The following COL8A1 variants were observed in gnomAD, a reference collection of about 807,000 sequenced individuals.
COL8A1 encodes collagen type VIII alpha 1 chain.
In COL8A1, 21 loss-of-function variants were observed where a neutral mutation model predicts 42.7. The ratio of observed to expected loss-of-function variants is 0.49; its 90% confidence interval spans 0.35 to 0.71. COL8A1 has a LOEUF of 0.71. Among genes scored for constraint, COL8A1 ranks in the 30% least tolerant of loss-of-function variants. COL8A1 has a pLI of 0.01. For missense variants in COL8A1, 788 were observed against 962.4 expected (o/e 0.82, Z 2.40); for synonymous variants, 367 against 369.1 (o/e 0.99, Z 0.06).
chr3:99,655,539 G>A (rs1287644868), intron 1 of COL8A1, among the ~76,000 whole-genome samples: 1 of 152,092 alleles, frequency 6.6e-6, no homozygotes, highest in Non-Finnish European at 1.5e-5. Context: ...ACGCTCATTG[G>A]GTAAACAGTA....
chr3:99,647,615 T>C (rs62281827), intron 1 of COL8A1, among the ~76,000 whole-genome samples: 9,543 of 152,142 alleles, frequency 0.063, 365 homozygotes, highest in East Asian at 0.22. Flanking sequence ...CGGCCAACAA[T>C]GAGCAATAAG....
intron 1 of COL8A1, among the ~76,000 whole-genome samples, chr3:99,699,672 A>C (rs1307510134): frequency 2.6e-5 from 4 of 152,212 alleles, no homozygotes; most frequent in Non-Finnish European, 5.9e-5. Flanking sequence ...CTAACCAAAA[A>C]TATAGTTAAT....
At chr3:99,790,331 T>A (rs1941976017) in intron 2 of COL8A1, among the ~76,000 whole-genome samples, 1 of 152,190 alleles carries the variant, frequency 6.6e-6, no homozygotes, top group Admixed American at 6.5e-5. Context: ...CAAGAATGGC[T>A]GAAATGGCCC....
In COL8A1 at chr3:99,795,684, G is replaced by C; in HGVS notation, c.1783G>C (p.Val595Leu). 3 of 1,614,070 alleles carry C rather than the reference G, an allele frequency of 1.9e-6. No individual in the cohort carries two copies. Among genetic ancestry groups the C allele is most frequent in the Non-Finnish European group, 2.5e-6 (3 of 1,180,004 alleles). ...AGATATGGGGCTGGGAATTGATGGC[G>C]TGAAACCCCCCCATGCCTACGGGGC... is the stretch of plus-strand genomic sequence containing the variant. ...LPDMGLGIDGVKPPHAYGAKK... is the reference protein window; with the variant it reads ...LPDMGLGIDGLKPPHAYGAKK... Residue 595 changes from valine (V) to leucine (L), a missense_variant, in exon 4 of 4, where the codon GTG (valine) becomes CTG (leucine). By Grantham distance (32) the Val-to-Leu change is conservative. This residue lies in a region of COL8A1 where 212 missense variants were observed against 210.9 expected (regional missense o/e 1.00). Transcript: ENST00000652472.
chr3:99,645,211 A>G (rs1368341280), intron 1 of COL8A1, among the ~76,000 whole-genome samples: 1 of 152,168 alleles, frequency 6.6e-6, no homozygotes, highest in Non-Finnish European at 1.5e-5. Flanking sequence ...TTAATGATCT[A>G]CTTAGCGATT....
chr3:99,682,505 G>A (rs915118104), intron 1 of COL8A1, among the ~76,000 whole-genome samples: 7 of 151,906 alleles, frequency 4.6e-5, no homozygotes, highest in African/African-American at 1.7e-4. Context: ...ACAAGGACAT[G>A]AAACATGTTA....
chr3:99,789,118 G>T (rs1282533099), intron 2 of COL8A1, among the ~76,000 whole-genome samples: 3 of 152,100 alleles, frequency 2.0e-5, no homozygotes, highest in Non-Finnish European at 4.4e-5. Flanking sequence ...TTGTGATAGG[G>T]ATTCATTTTA....
At chr3:99,642,487 T>C (rs963625105) in intron 1 of COL8A1, among the ~76,000 whole-genome samples, 5 of 152,306 alleles carry the variant, frequency 3.3e-5, no homozygotes, top group Non-Finnish European at 2.9e-5. Flanking sequence ...AACTTCTCAA[T>C]GTAGGATAAG....
intron 2 of COL8A1, among the ~76,000 whole-genome samples, chr3:99,752,880 G>T (rs1941181325): frequency 6.6e-6 from 1 of 152,132 alleles, no homozygotes; most frequent in African/African-American, 2.4e-5. Flanking sequence ...TCAGTTTAGA[G>T]GGGGAGAAGG....
intron 2 of COL8A1, among the ~76,000 whole-genome samples, chr3:99,757,295 G>A (rs996620088): frequency 2.0e-5 from 3 of 152,022 alleles, no homozygotes; most frequent in Admixed American, 6.5e-5. Context: ...TTTCTTCCTC[G>A]GGGTGCAACT....
chr3:99,792,699 G>A (rs553975663), intron 3 of COL8A1, among the ~76,000 whole-genome samples: 1 of 152,276 alleles, frequency 6.6e-6, no homozygotes, highest in South Asian at 2.1e-4. Flanking sequence ...AGAGCTTCTT[G>A]TTCCTAAGTC....
At chr3:99,663,233 A>C (rs988502101) in intron 1 of COL8A1, among the ~76,000 whole-genome samples, 2 of 152,122 alleles carry the variant, frequency 1.3e-5, no homozygotes, top group African/African-American at 4.8e-5. Context: ...TGGTGCAATC[A>C]GAGCTCACTG....
At chr3:99,773,280 T>G (rs1450244351) in intron 2 of COL8A1, among the ~76,000 whole-genome samples, 1 of 152,164 alleles carries the variant, frequency 6.6e-6, no homozygotes, top group Non-Finnish European at 1.5e-5. Flanking sequence ...AGACTTCAAT[T>G]AGGCCATGGC....
chr3:99,702,847 T>G (rs1939579932), intron 1 of COL8A1, among the ~76,000 whole-genome samples: 1 of 151,960 alleles, frequency 6.6e-6, no homozygotes, highest in African/African-American at 2.4e-5. Flanking sequence ...GAAGAAAACG[T>G]GTTGTTAGGT....
chr3:99,766,816 G>A (rs1941472256), intron 2 of COL8A1, among the ~76,000 whole-genome samples: 1 of 152,164 alleles, frequency 6.6e-6, no homozygotes, highest in Non-Finnish European at 1.5e-5. Context: ...AAGTGTGGTG[G>A]CAGGCACCTG....
chr3:99,667,572 AG>A (rs1206615867), intron 1 of COL8A1, among the ~76,000 whole-genome samples: 2 of 152,110 alleles, frequency 1.3e-5, no homozygotes, highest in Non-Finnish European at 2.9e-5. Flanking sequence ...ACGTATTGTC[AG>A]TACTTTAGAG....
chr3:99,676,941 G>A (rs1024979742), intron 1 of COL8A1, among the ~76,000 whole-genome samples: 5 of 151,680 alleles, frequency 3.3e-5, no homozygotes, highest in Non-Finnish European at 5.9e-5. Flanking sequence ...TTTTATGCTG[G>A]GTGCAGTGGC....
chr3:99,754,678 C>A (rs1163297558), intron 2 of COL8A1, among the ~76,000 whole-genome samples: 1 of 152,152 alleles, frequency 6.6e-6, no homozygotes, highest in Admixed American at 6.5e-5. Context: ...CCAAAGAACT[C>A]CTACAGAAAG....
Position 99,740,125 on chromosome 3 carries a change from C to A in COL8A1, c.-128-4772C>A, listed in dbSNP as rs1940855668. On this transcript the variant is annotated intron_variant, in intron 1 of 3. Coordinates refer to ENST00000652472, the MANE Select transcript of COL8A1 (RefSeq NM_020351.4). ...CAAGTTCCTGATCTCCATCTGAGAC[C>A]ACCTCAGCCTGGACTTCATTATCCA... 2.0e-5 allele frequency among the ~76,000 whole-genome samples: 3 copies of A among 152,118 alleles called. No individual in the cohort carries two copies. In the South Asian group the frequency reaches 6.2e-4, roughly 32 times the overall value.
Sources: gnomAD v4.1 joint callset for allele counts (sites outside exome capture counted in the v4.1 genomes callset) on GRCh38, gnomAD v4.1.1 for gene constraint, gnomAD v4.1.1 regional missense constraint, MANE v1.5 for transcripts, NCBI Gene and HGNC (gene_info 2026-07-23, HGNC 2026-07-21) for gene names.